The following AGBL4 variants were observed in gnomAD, a reference collection of about 807,000 sequenced individuals.
The protein encoded by AGBL4 is AGBL carboxypeptidase 4, also known as cytosolic carboxypeptidase 6.
AGBL4 carries 58 observed loss-of-function variants against 66.4 expected under a neutral mutation model. The ratio of observed to expected loss-of-function variants is 0.87; its 90% CI spans 0.71 to 1.09. AGBL4 has a LOEUF of 1.09. Among genes scored for constraint, AGBL4 ranks in the 50% least tolerant of loss-of-function variants. The pLI is 0.00. For missense variants in AGBL4, 579 were observed against 631.0 expected (o/e 0.92, Z 0.88); for synonymous variants, 234 against 222.9 (o/e 1.05, Z -0.44).
chr1:48,536,984 C>T (rs758916666), intron 12 of AGBL4, among the ~76,000 whole-genome samples: 1 of 152,112 alleles, frequency 6.6e-6, no homozygotes, highest in East Asian at 1.9e-4. Flanking sequence ...CTTCTGCCAG[C>T]GTGTGAGCAG....
intron 3 of AGBL4, among the ~76,000 whole-genome samples, chr1:49,251,857 C>G (rs2148339228): frequency 6.6e-6 from 1 of 152,236 alleles, no homozygotes; most frequent in African/African-American, 2.4e-5. Flanking sequence ...AGCCAGTTGG[C>G]TAAATCCACC....
intron 1 of AGBL4, among the ~76,000 whole-genome samples, chr1:49,956,455 TAAA>T (rs1656613113): frequency 6.6e-6 from 1 of 151,908 alleles, no homozygotes; most frequent in Non-Finnish European, 1.5e-5. Context: ...AACTGTTTAT[TAAA>T]TAACCATTTA....
At position 49,636,694 on chromosome 1, in the gene AGBL4, G is replaced by C. The variant is rs1486375001; in HGVS notation, c.282+60619C>G. Among the ~76,000 whole-genome samples the C allele has an allele frequency of 7.2e-5, 11 of 152,260 alleles. No homozygotes were observed. In the South Asian group the frequency reaches 2.3e-3, roughly 32 times the overall value. On this transcript the variant is annotated intron_variant, in intron 3 of 13. Transcript: ENST00000371839. ...AAAATAGGTAATAAAAATCTATGCT[G>C]TTACAAATCAGGACAGTGGTTACTG...
intron 6 of AGBL4, chr1:48,761,185 G>T: frequency 2.4e-6 from 2 of 840,854 alleles, no homozygotes; most frequent in Non-Finnish European, 3.6e-6. Flanking sequence ...ATACACACGA[G>T]TTGTCCCACG....
intron 9 of AGBL4, among the ~76,000 whole-genome samples, chr1:48,617,894 AAG>A (rs1312497282): frequency 6.6e-6 from 1 of 152,126 alleles, no homozygotes; most frequent in African/African-American, 2.4e-5. Flanking sequence ...AAAAAGGTAA[AAG>A]AGGGAAAAGC....
intron 3 of AGBL4, among the ~76,000 whole-genome samples, chr1:49,636,007 T>C (rs1645664103): frequency 6.6e-6 from 1 of 152,188 alleles, no homozygotes; most frequent in African/African-American, 2.4e-5. Context: ...ATGAAGCTCA[T>C]TTTCCCCACA....
chr1:48,572,083 G>A (rs1379357024), intron 11 of AGBL4, among the ~76,000 whole-genome samples: 1 of 152,170 alleles, frequency 6.6e-6, no homozygotes, highest in African/African-American at 2.4e-5. Context: ...GTGAAGGAGG[G>A]AGAGAGGGAA....
intron 3 of AGBL4, among the ~76,000 whole-genome samples, chr1:49,276,865 T>C (rs1273129132): frequency 6.6e-6 from 1 of 152,212 alleles, no homozygotes; most frequent in African/African-American, 2.4e-5. Context: ...TTTCCCCATG[T>C]GCACATTAAT....
At chr1:48,795,581 A>C (rs2148735606) in intron 6 of AGBL4, among the ~76,000 whole-genome samples, 1 of 152,350 alleles carries the variant, frequency 6.6e-6, no homozygotes, top group East Asian at 1.9e-4. Flanking sequence ...ACATTGTTAT[A>C]ATCCATTGAC....
In AGBL4 at chr1:49,535,691, T is replaced by C. The variant is rs187658317; in HGVS notation, c.282+161622A>G. ...ATTATTCATTAAACTTTTCGTTTGG[T>C]TTTTTTTGTTTGTTTTTTGAGACGG... On this transcript the variant is annotated intron_variant, in intron 3 of 13. Transcript: ENST00000371839. 6.5e-4 allele frequency among the ~76,000 whole-genome samples: 99 copies of C among 152,038 alleles called. 2 individuals carry two copies. In the East Asian group the frequency reaches 0.017, roughly 26 times the overall value.
At chr1:48,608,826 G>GA (rs1044435643) in intron 9 of AGBL4, among the ~76,000 whole-genome samples, 2 of 151,466 alleles carry the variant, frequency 1.3e-5, no homozygotes, top group African/African-American at 2.4e-5. Flanking sequence ...AAAGTTTGTT[G>GA]AAAAAAAACC....
At chr1:49,036,152 A>AT (rs1317330565) in intron 5 of AGBL4, among the ~76,000 whole-genome samples, 1 of 152,048 alleles carries the variant, frequency 6.6e-6, no homozygotes, top group African/African-American at 2.4e-5. Context: ...ATTTAAATCA[A>AT]TTTTTTAAAT....
chr1:49,436,000 G>A (rs1026564183), intron 3 of AGBL4, among the ~76,000 whole-genome samples: 27 of 152,128 alleles, frequency 1.8e-4, no homozygotes, highest in Non-Finnish European at 3.7e-4. Flanking sequence ...TATAAAACAT[G>A]CTAATGATGT....
At chr1:49,854,049 T>C (rs1390359292) in intron 1 of AGBL4, among the ~76,000 whole-genome samples, 5 of 151,620 alleles carry the variant, frequency 3.3e-5, no homozygotes, top group African/African-American at 1.2e-4. Context: ...TTATTTTCAA[T>C]CACTCTAAAA....
At chr1:49,990,232 T>C (rs1174356801) in intron 1 of AGBL4, among the ~76,000 whole-genome samples, 1 of 152,230 alleles carries the variant, frequency 6.6e-6, no homozygotes, top group Non-Finnish European at 1.5e-5. Context: ...ACATTTAATA[T>C]GGTTAGGCTT....
chr1:49,538,423 T>G (rs1651767067), intron 3 of AGBL4, among the ~76,000 whole-genome samples: 1 of 152,222 alleles, frequency 6.6e-6, no homozygotes, highest in African/African-American at 2.4e-5. Context: ...AATTACTTAA[T>G]GGGTACAATG....
At chr1:49,587,696 A>G (rs187501941) in intron 3 of AGBL4, among the ~76,000 whole-genome samples, 1 of 152,270 alleles carries the variant, frequency 6.6e-6, no homozygotes, top group Admixed American at 6.5e-5. Context: ...CAACAGGTGT[A>G]TATATAATGA....
chr1:48,605,810 A>G (rs185113846), intron 9 of AGBL4, among the ~76,000 whole-genome samples: 1 of 152,362 alleles, frequency 6.6e-6, no homozygotes, highest in African/African-American at 2.4e-5. Flanking sequence ...ATTGTTTAAC[A>G]GGGAGAGAGA....
intron 3 of AGBL4, among the ~76,000 whole-genome samples, chr1:49,302,612 TA>T (rs1273596292): frequency 2.8e-4 from 21 of 75,370 alleles, no homozygotes; most frequent in African/African-American, 2.5e-3. Flanking sequence ...TTTATTTTTT[TA>T]TTTTATTTTA....
Sources: allele counts gnomAD v4.1 joint callset (sites outside exome capture counted in the v4.1 genomes callset), GRCh38; gene constraint gnomAD v4.1.1; transcripts MANE v1.5; gene names NCBI Gene and HGNC (gene_info 2026-07-23, HGNC 2026-07-21).